The following ZC3H12C variants were observed in gnomAD, a reference collection of about 807,000 sequenced individuals.
ZC3H12C encodes zinc finger CCCH-type containing 12C, also known as probable ribonuclease ZC3H12C.
In ZC3H12C, 20 loss-of-function variants were observed where a neutral mutation model predicts 76.3. The ratio of observed to expected loss-of-function variants is 0.26; its 90% CI spans 0.18 to 0.38. The LOEUF (loss-of-function observed/expected upper bound fraction) is 0.38. Among genes scored for constraint, ZC3H12C ranks in the 10% least tolerant of loss-of-function variants. The probability of loss-of-function intolerance (pLI) is 1.00; values close to 1 mark genes in which losing one functional copy is unlikely to be tolerated. For synonymous variants in ZC3H12C, 352 were observed against 399.6 expected, an observed-to-expected ratio of 0.88 and a Z score of 1.42; for missense variants, 874 against 1,086.5, an observed-to-expected ratio of 0.80 and a Z score of 2.75.
intron 2 of ZC3H12C, among the ~76,000 whole-genome samples, chr11:110,148,000 C>T (rs1261720921): frequency 6.6e-6 from 1 of 152,244 alleles, no homozygotes; most frequent in Non-Finnish European, 1.5e-5. Context: ...TTGCCCCACT[C>T]TTCTAGGACC....
At chr11:110,146,283 C>A (rs1191304347) in intron 2 of ZC3H12C, among the ~76,000 whole-genome samples, 2 of 152,110 alleles carry the variant, frequency 1.3e-5, no homozygotes, top group African/African-American at 2.4e-5. Context: ...CCGTCGCGCC[C>A]GGCCCCGTAA....
At chr11:110,093,477 G>A in intron 1 of ZC3H12C, 45 bp downstream of exon 1, 1 of 1,190,266 alleles carries the variant, frequency 8.4e-7, no homozygotes, top group East Asian at 3.7e-5. Flanking sequence ...CGCGGCGAGA[G>A]TGGTCCTGGG....
intron 1 of ZC3H12C, among the ~76,000 whole-genome samples, chr11:110,112,998 C>G (rs374593490): frequency 1.3e-4 from 10 of 77,832 alleles, no homozygotes; most frequent in South Asian, 1.0e-3. Context: ...ATCGCCCCCC[C>G]CTACCAAAAA....
chr11:110,163,016 A>G (rs1235447396), intron 4 of ZC3H12C, among the ~76,000 whole-genome samples: 1 of 152,246 alleles, frequency 6.6e-6, no homozygotes, highest in Admixed American at 6.5e-5. Context: ...GGAAGGAAGA[A>G]TTAATAGGAC....
chr11:110,155,478 G>A (rs1036175579), intron 3 of ZC3H12C, among the ~76,000 whole-genome samples: 2 of 151,448 alleles, frequency 1.3e-5, no homozygotes, highest in Non-Finnish European at 2.9e-5. Context: ...AAAATAAGCA[G>A]AAGTACAGAC....
chr11:110,151,678 T>C (rs532528041), intron 2 of ZC3H12C, among the ~76,000 whole-genome samples: 13 of 152,280 alleles, frequency 8.5e-5, no homozygotes, highest in Admixed American at 2.6e-4. Flanking sequence ...GGCTATCGGG[T>C]CACCCTTCTT....
chr11:110,165,377 A>G lies in ZC3H12C; in HGVS notation c.2292A>G (p.Gln764=). 2 of 1,614,008 alleles carry G rather than the reference A, an allele frequency of 1.2e-6. No homozygotes were observed. Among genetic ancestry groups the G allele is most frequent in the Non-Finnish European group, 1.7e-6 (2 of 1,179,878 alleles). ...SRLYDSSPSR[Q]RKPYSRQEGL... ...TTTATGACAGTTCTCCTTCACGACA[A>G]AGAAAGCCTTATTCCCGCCAGGAAG... The change falls in exon 6 of 6, where the codon CAA becomes CAG. Residue 764 remains glutamine, a synonymous_variant. Transcript: ENST00000278590.
intron 1 of ZC3H12C, among the ~76,000 whole-genome samples, chr11:110,101,723 T>C (rs1251194474): frequency 2.0e-5 from 3 of 151,820 alleles, no homozygotes; most frequent in Admixed American, 1.3e-4. Flanking sequence ...AATTTTTGTA[T>C]TTTTTTAGTA....
intron 1 of ZC3H12C, among the ~76,000 whole-genome samples, chr11:110,107,716 G>C (rs1217618655): frequency 6.6e-6 from 1 of 151,914 alleles, no homozygotes; most frequent in Non-Finnish European, 1.5e-5. Context: ...AGTAGAGACA[G>C]AGTTTCACCA....
intron 2 of ZC3H12C, among the ~76,000 whole-genome samples, chr11:110,141,405 T>A (rs534058870): frequency 1.7e-4 from 26 of 152,370 alleles, no homozygotes; most frequent in African/African-American, 6.3e-4. Flanking sequence ...GCCTTTCTTA[T>A]ATCTAATCTT....
rs1171397733 is a variant in ZC3H12C at position 110,166,937 on chromosome 11, C to T, written c.*1200C>T. On this transcript the variant is annotated 3_prime_UTR_variant, in exon 6 of 6. Transcript: ENST00000278590. Reference sequence around the variant, plus strand: ...GGGGGGCCTGTTATATTATTAAGGCCAGACTCTTGCCACAAATAGTGTAGT... The same window carrying T: ...GGGGGGCCTGTTATATTATTAAGGCTAGACTCTTGCCACAAATAGTGTAGT... 2.0e-5 allele frequency: 3 copies of T among 152,072 alleles called. No homozygotes were observed. Among genetic ancestry groups the T allele is most frequent in the East Asian group, 1.9e-4 (1 of 5,186 alleles). The allele number at this position is 152,072 out of a possible 1,614,324, so 9.4% of individuals were successfully genotyped here. A position where few individuals can be genotyped will look rare whatever the true frequency, so the allele number is the denominator to read the frequency against.
Position 110,106,084 on chromosome 11 carries a change from C to T in ZC3H12C, c.21+12652C>T, listed in dbSNP as rs990969830. On this transcript the variant is annotated intron_variant, in intron 1 of 5. Transcript: ENST00000278590. ...GAGATCGAGACCATCCTGACTAACA[C>T]GGTGAAACCCCGTCTCTACTAAAAA... Among the ~76,000 whole-genome samples the T allele has an allele frequency of 9.1e-4, 19 of 20,824 alleles. 8 individuals carry two copies. The highest frequency in any genetic ancestry group is 0.043 in the Middle Eastern group (2 of 46). 13.7% of individuals were successfully genotyped at this position (20,824 alleles called of 152,430 possible).
At chr11:110,134,581 T>G (rs956140941) in intron 1 of ZC3H12C, among the ~76,000 whole-genome samples, 2 of 152,148 alleles carry the variant, frequency 1.3e-5, no homozygotes, top group Non-Finnish European at 2.9e-5. Flanking sequence ...TTTTTAAAAT[T>G]CCTTCCTTCA....
At position 110,166,791 on chromosome 11, in the gene ZC3H12C, GT is replaced by G. The variant is rs1199058271; in HGVS notation, c.*1056del. 6.6e-6 allele frequency: 1 copy of G among 152,122 alleles called. No homozygotes were observed. The highest frequency in any genetic ancestry group is 1.5e-5 in the Non-Finnish European group (1 of 68,024). 9.4% of individuals were successfully genotyped at this position (152,122 alleles called of 1,614,324 possible). A position where few individuals can be genotyped will look rare whatever the true frequency, so the allele number is the denominator to read the frequency against. On this transcript the variant is annotated 3_prime_UTR_variant, in exon 6 of 6. Coordinates refer to ENST00000278590, the MANE Select transcript of ZC3H12C (RefSeq NM_033390.2). ...GCCTGAGGTGGGTTTATGTGTTGAG[GT>G]TATGCAACATTTCTTGATACTGCAC...
In ZC3H12C at chr11:110,111,362, T is replaced by C. The variant is rs1354112109; in HGVS notation, c.21+17930T>C. ...AAATAATTTATAAACCTACATACAG[T>C]GTATAGAATTCTCATATCCTTCAAT... is the stretch of plus-strand genomic sequence containing the variant. On this transcript the variant is annotated intron_variant, in intron 1 of 5. Coordinates refer to ENST00000278590, the MANE Select transcript of ZC3H12C (RefSeq NM_033390.2). 4.6e-5 allele frequency among the ~76,000 whole-genome samples: 7 copies of C among 152,146 alleles called. No homozygotes were observed. In the East Asian group the frequency reaches 1.3e-3, roughly 29 times the overall value.
chr11:110,142,698 A>G (rs1015298468), intron 2 of ZC3H12C, among the ~76,000 whole-genome samples: 2 of 152,144 alleles, frequency 1.3e-5, no homozygotes, highest in Non-Finnish European at 2.9e-5. Context: ...GGTGTTAAAT[A>G]TTTTTGTTGT....
chr11:110,137,337 T>G lies in ZC3H12C; in HGVS notation c.696T>G (p.Ser232=). The G allele has an allele frequency of 1.2e-6, 2 of 1,613,906 alleles. No homozygotes were observed. Among genetic ancestry groups the G allele is most frequent in the Non-Finnish European group, 8.5e-7 (1 of 1,179,872 alleles). Residue 232 remains serine, a synonymous_variant, in exon 2 of 6, where the codon TCT becomes TCG. Coordinates refer to ENST00000278590, the MANE Select transcript of ZC3H12C (RefSeq NM_033390.2). ...TSSLESQRSE[S]PMQEIVTDDG... ...CCCTGGAATCTCAGAGGTCTGAATCTCCAATGCAAGAGATTGTAACAGATG... is the reference window on the plus strand; with the variant it reads ...CCCTGGAATCTCAGAGGTCTGAATCGCCAATGCAAGAGATTGTAACAGATG...
At chr11:110,160,457 C>CA (rs1862459461) in intron 4 of ZC3H12C, among the ~76,000 whole-genome samples, 1 of 151,962 alleles carries the variant, frequency 6.6e-6, no homozygotes, top group African/African-American at 2.4e-5. Context: ...TACAACTGTA[C>CA]AAAAACATTT....
At chr11:110,126,059 TTGC>T (rs530820249) in intron 1 of ZC3H12C, among the ~76,000 whole-genome samples, 141 of 152,226 alleles carry the variant, frequency 9.3e-4, no homozygotes, top group Non-Finnish European at 1.8e-3. Context: ...CCTGTTTTTC[TTGC>T]TGATGAATAG....
Sources: gnomAD v4.1 joint callset for allele counts (sites outside exome capture counted in the v4.1 genomes callset) on GRCh38, gnomAD v4.1.1 for gene constraint, MANE v1.5 for transcripts, NCBI Gene and HGNC (gene_info 2026-07-23, HGNC 2026-07-21) for gene names.